Variants in SNX24 observed in about 807,000 individuals in gnomAD.
SNX24 encodes the protein sorting nexin-24.
In SNX24, 22 loss-of-function variants were observed where a neutral mutation model predicts 28.7. The observed-to-expected ratio is 0.77, with a 90% confidence interval of 0.55 to 1.10. The LOEUF (loss-of-function observed/expected upper bound fraction) is 1.10. SNX24 is among the 50% of genes least tolerant of loss of function. The pLI is 0.00. For synonymous variants in SNX24, 69 were observed against 71.5 expected, an observed-to-expected ratio of 0.96 and a Z score of 0.18; for missense variants, 221 against 201.1, an observed-to-expected ratio of 1.10 and a Z score of -0.60.
At chr5:123,001,303 A>C in intron 4 of SNX24, 102 bp from the exon 5 acceptor site, 1 of 751,584 alleles carries the variant, frequency 1.3e-6, no homozygotes, top group Non-Finnish European at 2.3e-6. Flanking sequence ...ATAACTACCA[A>C]TTCAGTCATC....
chr5:122,928,700 T>A (rs2910140), intron 1 of SNX24, among the ~76,000 whole-genome samples: 116,687 of 151,536 alleles, frequency 0.77, 45,785 homozygotes, highest in East Asian at 0.99. Flanking sequence ...CACACACCCC[T>A]GCCAGTACCT....
At chr5:122,999,334 C>T (rs1223558710) in intron 3 of SNX24, among the ~76,000 whole-genome samples, 1 of 151,988 alleles carries the variant, frequency 6.6e-6, no homozygotes, top group East Asian at 1.9e-4. Flanking sequence ...GTCCAAATGG[C>T]AATAAATGTC....
chr5:122,923,557 A>G (rs1264020349), intron 1 of SNX24, among the ~76,000 whole-genome samples: 1 of 152,188 alleles, frequency 6.6e-6, no homozygotes, highest in Non-Finnish European at 1.5e-5. Flanking sequence ...CTTTAATTGT[A>G]GTAGACTTTA....
chr5:122,973,488 A>G (rs1372821223), intron 3 of SNX24, among the ~76,000 whole-genome samples: 1 of 152,190 alleles, frequency 6.6e-6, no homozygotes, highest in African/African-American at 2.4e-5. Context: ...TCCACTGATC[A>G]TAGGGAACTC....
At chr5:123,001,326 G>A in intron 4 of SNX24, 79 bp from the exon 5 acceptor site, 2 of 893,884 alleles carry the variant, frequency 2.2e-6, no homozygotes, top group Non-Finnish European at 1.8e-6. Context: ...ATAATATTGG[G>A]TATTTTTTCC....
chr5:122,851,559 A>G (rs1321420470), intron 1 of SNX24, among the ~76,000 whole-genome samples: 1 of 152,234 alleles, frequency 6.6e-6, no homozygotes, highest in African/African-American at 2.4e-5. Context: ...TGTTATGCGT[A>G]GACATATATA....
At chr5:122,851,603 C>CTTAA (rs2150031132) in intron 1 of SNX24, among the ~76,000 whole-genome samples, 1 of 152,276 alleles carries the variant, frequency 6.6e-6, no homozygotes, top group South Asian at 2.1e-4. Flanking sequence ...CACTGATTTA[C>CTTAA]TTAATAAACA....
At chr5:123,013,666 T>G (rs1430348897), downstream of SNX24, among the ~76,000 whole-genome samples, 1 of 152,216 alleles carries the variant, frequency 6.6e-6, no homozygotes, top group Non-Finnish European at 1.5e-5. Flanking sequence ...AGAATGTGGT[T>G]GTAAATCTGG....
intron 1 of SNX24, among the ~76,000 whole-genome samples, chr5:122,849,175 A>T (rs1754785274): frequency 6.6e-6 from 1 of 152,214 alleles, no homozygotes; most frequent in Non-Finnish European, 1.5e-5. Flanking sequence ...CACGATTGTT[A>T]TTCAAGAAGT....
intron 1 of SNX24, among the ~76,000 whole-genome samples, chr5:122,883,527 A>G (rs1756569459): frequency 6.6e-6 from 1 of 152,202 alleles, no homozygotes; most frequent in South Asian, 2.1e-4. Context: ...AGCTTTTGCC[A>G]TAACTCTATG....
chr5:122,951,038 C>T (rs201317967), intron 3 of SNX24, among the ~76,000 whole-genome samples: 4 of 151,882 alleles, frequency 2.6e-5, no homozygotes, highest in Non-Finnish European at 4.4e-5. Flanking sequence ...GAGGCCGAGG[C>T]GGGCGGATCA....
chr5:122,871,268 A>G lies in SNX24; in HGVS notation c.60+25575A>G, dbSNP rs532522675. 7.9e-5 allele frequency among the ~76,000 whole-genome samples: 12 copies of G among 152,298 alleles called. No individual in the cohort carries two copies. In the South Asian group the frequency reaches 8.3e-4, roughly 11 times the overall value. On this transcript the variant is annotated intron_variant, in intron 1 of 6. Transcript: ENST00000261369. ...GGGGCTCAGGCTCTGGTACTGTTTA[A>G]AAACTCTCCAGGTGATTTTAATTTG...
intron 1 of SNX24, among the ~76,000 whole-genome samples, chr5:122,885,912 C>T (rs1330123839): frequency 6.6e-6 from 1 of 152,092 alleles, no homozygotes; most frequent in East Asian, 1.9e-4. Context: ...AGTGTGCACC[C>T]TAGATCCCTT....
In SNX24 at chr5:123,007,787, G is replaced by A. The variant is rs1336662932; in HGVS notation, c.*38G>A. ...GCTAAAAGAAGCAGAAGCAAGTTTC[G>A]AAGTCACAGTCAAGGAAATCAATAC... On this transcript the variant is annotated 3_prime_UTR_variant, in exon 7 of 7. Coordinates refer to ENST00000261369, the MANE Select transcript of SNX24 (RefSeq NM_014035.4). 8 of 1,580,126 alleles carry A rather than the reference G, an allele frequency of 5.1e-6. No homozygotes were observed. Among genetic ancestry groups the A allele is most frequent in the East Asian group, 2.2e-5 (1 of 44,610 alleles).
At chr5:122,970,680 G>A (rs1432466031) in intron 3 of SNX24, among the ~76,000 whole-genome samples, 1 of 152,166 alleles carries the variant, frequency 6.6e-6, no homozygotes, top group African/African-American at 2.4e-5. Context: ...GTGTTAGCCA[G>A]GATGGCCTCC....
At position 122,845,619 on chromosome 5, in the gene SNX24, C is replaced by A; in HGVS notation, c.-15C>A. The A allele has an allele frequency of 7.2e-7, 1 of 1,385,504 alleles. No individual in the cohort carries two copies. Among genetic ancestry groups the A allele is most frequent in the Non-Finnish European group, 9.4e-7 (1 of 1,060,824 alleles). The allele number at this position is 1,385,504 out of a possible 1,614,324, so 85.8% of individuals were successfully genotyped here. ...CTGCCCCCAACTCGCCCTCAGCCGGCTGGCCGGCGCGGCCATGGAGGTCTA... is the reference window on the plus strand; with the variant it reads ...CTGCCCCCAACTCGCCCTCAGCCGGATGGCCGGCGCGGCCATGGAGGTCTA... On this transcript the variant is annotated 5_prime_UTR_variant, in exon 1 of 7. It adds an upstream start codon to the 5' untranslated region. Transcript: ENST00000261369.
chr5:122,944,948 A>T (rs544279140), intron 2 of SNX24, among the ~76,000 whole-genome samples: 1 of 152,228 alleles, frequency 6.6e-6, no homozygotes. Context: ...TTAAAGAGGC[A>T]GTGCATTAGT....
chr5:122,892,610 T>C (rs1757021498), intron 1 of SNX24, among the ~76,000 whole-genome samples: 1 of 151,792 alleles, frequency 6.6e-6, no homozygotes, highest in African/African-American at 2.4e-5. Context: ...CCGTTAATTT[T>C]TGTATTTTTA....
At chr5:122,963,417 A>G (rs568540829) in intron 3 of SNX24, among the ~76,000 whole-genome samples, 2 of 152,294 alleles carry the variant, frequency 1.3e-5, no homozygotes, top group Admixed American at 1.3e-4. Context: ...TTTCATTTAT[A>G]TGGACAGAAA....
Sources: gnomAD v4.1 joint callset for allele counts (sites outside exome capture counted in the v4.1 genomes callset) on GRCh38, gnomAD v4.1.1 for gene constraint, MANE v1.5 for transcripts, NCBI Gene and HGNC (gene_info 2026-07-23, HGNC 2026-07-21) for gene names.